SAMD5: variants seen among roughly 807,000 people sequenced by gnomAD.
SAMD5 encodes sterile alpha motif domain containing 5.
In SAMD5, 13 loss-of-function variants were observed where a neutral mutation model predicts 11.3. The observed-to-expected ratio is 1.15, with a 90% CI of 0.75 to 1.83. The LOEUF is 1.83. SAMD5 is among the 40% of genes most tolerant of loss of function. The pLI, the probability that SAMD5 is intolerant of heterozygous loss-of-function variation, is 0.00. For synonymous variants in SAMD5, 129 were observed against 111.3 expected, an observed-to-expected ratio of 1.16 and a Z score of -1.00; for missense variants, 255 against 239.1, an observed-to-expected ratio of 1.07 and a Z score of -0.44.
At chr6:147,640,897 A>G (rs1394254414) in intron 1 of SAMD5, among the ~76,000 whole-genome samples, 1 of 152,196 alleles carries the variant, frequency 6.6e-6, no homozygotes, top group African/African-American at 2.4e-5. Flanking sequence ...TTGCTTAGCA[A>G]TTAAGTATTT....
intron 1 of SAMD5, among the ~76,000 whole-genome samples, chr6:147,533,724 C>G (rs1788465913): frequency 6.6e-6 from 1 of 152,126 alleles, no homozygotes; most frequent in Admixed American, 6.5e-5. Context: ...GGCAGACTGG[C>G]AGCTGCAGAT....
At chr6:147,953,507 C>T in the SAMD5 span, 4 of 152,152 alleles carry the variant, frequency 2.6e-5, 1 homozygote, top group South Asian at 8.3e-4. Flanking sequence ...GATTCTCTTC[C>T]TATTGCATCA....
chr6:147,647,216 G>A (rs1280503368), intron 1 of SAMD5, among the ~76,000 whole-genome samples: 1 of 152,038 alleles, frequency 6.6e-6, no homozygotes, highest in Admixed American at 6.6e-5. Context: ...TACTCATTAA[G>A]TAAAAATAGA....
chr6:147,533,481 GAAAGAAAGA>G (rs796803976), intron 1 of SAMD5, among the ~76,000 whole-genome samples: 19 of 138,702 alleles, frequency 1.4e-4, no homozygotes, highest in African/African-American at 3.7e-4. Context: ...AAAAAAAAAA[GAAAGAAAGA>G]AAAGAAACCA....
chr6:147,780,563 T>A, the SAMD5 span, among the ~76,000 whole-genome samples: 1 of 152,206 alleles, frequency 6.6e-6, no homozygotes, highest in Non-Finnish European at 1.5e-5. Context: ...AAAGAAATAT[T>A]CCATGAGTGA....
Position 147,696,512 on chromosome 6 carries a change from C to A in SAMD5, c.163-40805C>A, listed in dbSNP as rs552913461. On this transcript the variant is annotated intron_variant, in intron 1 of 1. Transcript: ENST00000566741. ...CCTGATAGGACCAATGGGTCTGGCA[C>A]CCCTGTTACCCGTGTGCACTCTGCC... is the stretch of plus-strand genomic sequence containing the variant. Among the ~76,000 whole-genome samples the A allele has an allele frequency of 2.0e-5, 3 of 152,282 alleles. No individual in the cohort carries two copies. In the South Asian group the frequency reaches 6.2e-4, roughly 32 times the overall value.
chr6:147,513,122 T>C (rs1583063093), intron 1 of SAMD5, among the ~76,000 whole-genome samples: 1 of 152,300 alleles, frequency 6.6e-6, no homozygotes, highest in East Asian at 1.9e-4. Flanking sequence ...GTTAAAGCAC[T>C]GAGTGCCTGG....
At chr6:147,874,495 T>C in the SAMD5 span, among the ~76,000 whole-genome samples, 2 of 151,934 alleles carry the variant, frequency 1.3e-5, no homozygotes, top group African/African-American at 2.4e-5. Flanking sequence ...AATGACATTC[T>C]TAGGGTGTTT....
At chr6:147,532,200 G>A (rs186871109) in intron 1 of SAMD5, among the ~76,000 whole-genome samples, 5 of 152,180 alleles carry the variant, frequency 3.3e-5, no homozygotes, top group Admixed American at 1.3e-4. Flanking sequence ...AAATTCTTAA[G>A]TGGTGATTTC....
chr6:147,571,187 A>G (rs746761407), downstream of SAMD5, among the ~76,000 whole-genome samples: 3 of 152,206 alleles, frequency 2.0e-5, no homozygotes, highest in Non-Finnish European at 4.4e-5. Flanking sequence ...TGATAAGCAT[A>G]TTTAGAAAAG....
the SAMD5 span, among the ~76,000 whole-genome samples, chr6:147,803,380 AC>A: frequency 6.6e-6 from 1 of 152,034 alleles, no homozygotes; most frequent in Non-Finnish European, 1.5e-5. Context: ...GTCGTCTCTC[AC>A]CTGGACATCA....
chr6:147,785,833 G>T, the SAMD5 span, among the ~76,000 whole-genome samples: 2 of 152,166 alleles, frequency 1.3e-5, no homozygotes, highest in African/African-American at 4.8e-5. Flanking sequence ...AAGATCTCAA[G>T]AGATTATTAA....
At chr6:147,841,504 T>C in the SAMD5 span, among the ~76,000 whole-genome samples, 3 of 152,210 alleles carry the variant, frequency 2.0e-5, no homozygotes, top group Non-Finnish European at 4.4e-5. Flanking sequence ...CAGTTCTCTT[T>C]CTCCTATTCA....
At chr6:147,594,611 T>G (rs1306613629) in intron 1 of SAMD5, among the ~76,000 whole-genome samples, 1 of 152,178 alleles carries the variant, frequency 6.6e-6, no homozygotes, top group African/African-American at 2.4e-5. Context: ...AAGTTTCCTT[T>G]TAATAGTCAA....
At chr6:147,596,569 TA>T (rs980946837) in intron 1 of SAMD5, among the ~76,000 whole-genome samples, 1 of 152,196 alleles carries the variant, frequency 6.6e-6, no homozygotes, top group East Asian at 1.9e-4. Flanking sequence ...GTCATGTTAA[TA>T]ATTCAATTTG....
At chr6:147,819,297 A>G in the SAMD5 span, among the ~76,000 whole-genome samples, 1 of 152,156 alleles carries the variant, frequency 6.6e-6, no homozygotes, top group Admixed American at 6.5e-5. Context: ...GGACACAAAG[A>G]GGGGAACAAC....
the SAMD5 span, among the ~76,000 whole-genome samples, chr6:147,834,447 A>T: frequency 6.6e-6 from 1 of 152,232 alleles, no homozygotes; most frequent in Non-Finnish European, 1.5e-5. Flanking sequence ...CTGTTGAAAT[A>T]GACTAGTCTT....
intron 1 of SAMD5, among the ~76,000 whole-genome samples, chr6:147,535,811 G>A (rs951044754): frequency 3.9e-5 from 6 of 152,036 alleles, no homozygotes; most frequent in Non-Finnish European, 8.8e-5. Flanking sequence ...GGGTTCCTAG[G>A]CCTGTTAGAA....
the SAMD5 span, among the ~76,000 whole-genome samples, chr6:147,770,182 AC>A: frequency 6.6e-6 from 1 of 152,186 alleles, no homozygotes; most frequent in Non-Finnish European, 1.5e-5. Context: ...AAAGCTAAAC[AC>A]ATTTTGGATT....
Sources: gnomAD v4.1 joint callset for allele counts (sites outside exome capture counted in the v4.1 genomes callset) on GRCh38, gnomAD v4.1.1 for gene constraint, MANE v1.5 for transcripts, NCBI Gene and HGNC (gene_info 2026-07-23, HGNC 2026-07-21) for gene names.